The following RASSF8 variants were observed in gnomAD, a reference collection of about 807,000 sequenced individuals.
RASSF8 encodes ras association domain-containing protein 8.
A neutral mutation model predicts 48.5 loss-of-function variants in RASSF8; 22 were observed. That is an observed-to-expected ratio of 0.45 (90% CI 0.32 to 0.65). The LOEUF is 0.65. RASSF8 is among the 30% of genes least tolerant of loss of function. The pLI is 0.03. For synonymous variants in RASSF8, 127 were observed against 171.5 expected, an observed-to-expected ratio of 0.74 and a Z score of 2.03; for missense variants, 418 against 489.2, an observed-to-expected ratio of 0.85 and a Z score of 1.37.
Position 26,070,285 on chromosome 12 carries a change from C to T in RASSF8, c.*1467C>T. 1.0e-5 allele frequency: 10 copies of T among 985,334 alleles called. No homozygotes were observed. The highest frequency in any genetic ancestry group is 1.2e-5 in the Non-Finnish European group (10 of 829,848). 61.0% of individuals were successfully genotyped at this position (985,334 alleles called of 1,614,324 possible). On this transcript the variant is annotated 3_prime_UTR_variant, in exon 6 of 6. Transcript: ENST00000689635. ...ATGAAGGCAACTTTGGATGTTTTAA[C>T]ACATTTGACTGACTTTGGTTTAGTG... is the stretch of plus-strand genomic sequence containing the variant.
At chr12:26,073,730 A>ACTCTCTCT (rs1555171917), downstream of RASSF8, among the ~76,000 whole-genome samples, 37,318 of 137,886 alleles carry the variant, frequency 0.27, 5,276 homozygotes, top group Middle Eastern at 0.34. Context: ...CAAAAGCGAG[A>ACTCTCTCT]CTCTCTCTCT....
At chr12:26,062,405 A>G (rs1409532218) in intron 3 of RASSF8, among the ~76,000 whole-genome samples, 1 of 152,240 alleles carries the variant, frequency 6.6e-6, no homozygotes, top group Non-Finnish European at 1.5e-5. Context: ...GATAAATGTA[A>G]CTAATATTAT....
At chr12:25,974,672 G>T (rs1941564305) in intron 1 of RASSF8, among the ~76,000 whole-genome samples, 1 of 152,014 alleles carries the variant, frequency 6.6e-6, no homozygotes, top group South Asian at 2.1e-4. Flanking sequence ...ATTGAATAGG[G>T]CTTGATGTAC....
At chr12:26,060,274 T>G (rs1009375328) in intron 3 of RASSF8, among the ~76,000 whole-genome samples, 4 of 152,174 alleles carry the variant, frequency 2.6e-5, no homozygotes, top group Non-Finnish European at 5.9e-5. Context: ...TTACATGATA[T>G]ACACTGGGAA....
rs557594672 is a variant in RASSF8, at chr12:26,069,756, C to T, written c.*938C>T. On this transcript the variant is annotated 3_prime_UTR_variant, in exon 6 of 6. Coordinates refer to ENST00000689635, the MANE Select transcript of RASSF8 (RefSeq NM_001394098.1). ...TTAAGTGATGTATTTTAAAATAACC[C>T]GCTTCATATGTATGATCTGTTGGTG... 8 of 985,080 alleles carry T rather than the reference C, an allele frequency of 8.1e-6. No homozygotes were observed. Among genetic ancestry groups the T allele is most frequent in the East Asian group, 1.1e-4 (1 of 8,814 alleles). 61.0% of individuals were successfully genotyped at this position (985,080 alleles called of 1,614,324 possible).
chr12:25,966,761 G>A (rs1941370197), intron 1 of RASSF8, among the ~76,000 whole-genome samples: 1 of 152,108 alleles, frequency 6.6e-6, no homozygotes, highest in African/African-American at 2.4e-5. Flanking sequence ...AGTGACTTTT[G>A]AAAAGCAGAA....
intron 1 of RASSF8, among the ~76,000 whole-genome samples, chr12:25,994,277 T>A (rs1396956638): frequency 1.3e-5 from 1 of 78,348 alleles, no homozygotes; most frequent in Non-Finnish European, 3.0e-5. Context: ...GGATAGATTT[T>A]TAAAAAAAAA....
rs922037767 is a variant in RASSF8, at chr12:26,070,672, A to C, written c.*1854A>C. ...GACAGTAATGATTTACATATGCCCA[A>C]TATATGCCTTATTTTTAAATAAGTC... On this transcript the variant is annotated 3_prime_UTR_variant, in exon 6 of 6. Coordinates refer to ENST00000689635, the MANE Select transcript of RASSF8 (RefSeq NM_001394098.1). The C allele has an allele frequency of 1.1e-6, 1 of 945,670 alleles. No homozygotes were observed. Among genetic ancestry groups the C allele is most frequent in the African/African-American group, 1.8e-5 (1 of 56,404 alleles). 58.6% of individuals were successfully genotyped at this position (945,670 alleles called of 1,614,324 possible).
intron 2 of RASSF8, among the ~76,000 whole-genome samples, chr12:26,039,152 G>T (rs1592296992): frequency 6.6e-6 from 1 of 152,204 alleles, no homozygotes; most frequent in Admixed American, 6.5e-5. Context: ...TACTGCTCAG[G>T]TCAGGTTCAG....
intron 2 of RASSF8, among the ~76,000 whole-genome samples, chr12:26,035,285 C>T (rs1024413131): frequency 6.6e-6 from 1 of 150,808 alleles, no homozygotes; most frequent in Non-Finnish European, 1.5e-5. Context: ...AACTTCTTCA[C>T]ACAGTTAATA....
intron 2 of RASSF8, among the ~76,000 whole-genome samples, chr12:26,038,652 C>T (rs1943202207): frequency 1.6e-5 from 2 of 126,566 alleles, no homozygotes; most frequent in South Asian, 5.3e-4. Flanking sequence ...CACACACACA[C>T]ACACTTTTAA....
intron 1 of RASSF8, among the ~76,000 whole-genome samples, chr12:25,990,338 C>T (rs763542612): frequency 3.9e-5 from 6 of 152,070 alleles, no homozygotes; most frequent in Admixed American, 2.0e-4. Flanking sequence ...TTATTTGATA[C>T]TATTGTTACT....
At chr12:26,055,846 A>G (rs2137244488) in intron 3 of RASSF8, among the ~76,000 whole-genome samples, 1 of 152,354 alleles carries the variant, frequency 6.6e-6, no homozygotes, top group Middle Eastern at 3.4e-3. Flanking sequence ...AATACAACAA[A>G]TGAAATAACA....
chr12:25,978,612 A>G (rs17354204), intron 1 of RASSF8, among the ~76,000 whole-genome samples: 14,888 of 152,144 alleles, frequency 0.098, 777 homozygotes, highest in Middle Eastern at 0.15. Flanking sequence ...TCAGGGCTTT[A>G]TTCAGCATGG....
At chr12:26,058,536 G>GCA (rs1375173138) in intron 3 of RASSF8, among the ~76,000 whole-genome samples, 9 of 83,426 alleles carry the variant, frequency 1.1e-4, no homozygotes, top group Non-Finnish European at 1.6e-4. Flanking sequence ...GCACGCGCGC[G>GCA]CGCACACACA....
chr12:26,006,903 C>A (rs141487984), intron 2 of RASSF8, among the ~76,000 whole-genome samples: 4 of 152,252 alleles, frequency 2.6e-5, no homozygotes, highest in African/African-American at 9.6e-5. Context: ...AGAGGAATAC[C>A]TGAGACTAGG....
At chr12:25,962,317 A>G (rs776727481) in intron 1 of RASSF8, among the ~76,000 whole-genome samples, 3 of 152,166 alleles carry the variant, frequency 2.0e-5, no homozygotes, top group Non-Finnish European at 4.4e-5. Flanking sequence ...GTGCTAGCTC[A>G]AATGTCCTTT....
At chr12:25,981,268 T>C (rs563875252) in intron 1 of RASSF8, among the ~76,000 whole-genome samples, 1 of 152,194 alleles carries the variant, frequency 6.6e-6, no homozygotes, top group East Asian at 1.9e-4. Context: ...GAAGAGAGTC[T>C]AGTGGCAGTG....
At chr12:25,982,600 A>C (rs1030147108) in intron 1 of RASSF8, among the ~76,000 whole-genome samples, 1 of 152,246 alleles carries the variant, frequency 6.6e-6, no homozygotes, top group African/African-American at 2.4e-5. Context: ...GAAATCAGAG[A>C]GATAAGGGGA....
Sources: allele counts gnomAD v4.1 joint callset (sites outside exome capture counted in the v4.1 genomes callset), GRCh38; gene constraint gnomAD v4.1.1; transcripts MANE v1.5; gene names NCBI Gene and HGNC (gene_info 2026-07-23, HGNC 2026-07-21).